Variants in TCERG1L observed in about 807,000 individuals in gnomAD.
TCERG1L encodes the protein transcription elongation regulator 1 like.
TCERG1L carries 37 observed loss-of-function variants against 56.3 expected under a neutral mutation model. The ratio of observed to expected loss-of-function variants is 0.66; its 90% CI spans 0.51 to 0.87. The LOEUF (loss-of-function observed/expected upper bound fraction) is 0.87. TCERG1L is among the 40% of genes least tolerant of loss of function. TCERG1L has a pLI of 0.00. For synonymous variants in TCERG1L, 324 were observed against 326.3 expected (o/e 0.99, Z 0.08); for missense variants, 799 against 774.2 (o/e 1.03, Z -0.38).
intron 3 of TCERG1L, among the ~76,000 whole-genome samples, chr10:131,290,780 T>G (rs1846607909): frequency 1.5e-5 from 1 of 65,984 alleles, no homozygotes; most frequent in African/African-American, 4.1e-5. Context: ...ACGTAAACAC[T>G]TACCACATTG....
intron 3 of TCERG1L, among the ~76,000 whole-genome samples, chr10:131,289,255 C>A (rs1381475677): frequency 6.6e-6 from 1 of 151,656 alleles, no homozygotes; most frequent in African/African-American, 2.4e-5. Flanking sequence ...GGAGAAGAGT[C>A]TAACAGCAGG....
intron 11 of TCERG1L, among the ~76,000 whole-genome samples, chr10:131,094,289 G>C (rs576405742): frequency 1.3e-5 from 2 of 152,368 alleles, no homozygotes; most frequent in South Asian, 4.1e-4. Flanking sequence ...CCTGGGCAGT[G>C]TGCTCTGGGG....
At chr10:131,273,833 T>C (rs1295308888) in intron 3 of TCERG1L, among the ~76,000 whole-genome samples, 1 of 152,176 alleles carries the variant, frequency 6.6e-6, no homozygotes, top group South Asian at 2.1e-4. Flanking sequence ...GGCAAGTGGA[T>C]GCCGGGAAGC....
chr10:131,234,853 G>A (rs1260109788), intron 4 of TCERG1L, among the ~76,000 whole-genome samples: 1 of 152,162 alleles, frequency 6.6e-6, no homozygotes, highest in Non-Finnish European at 1.5e-5. Flanking sequence ...ACAGGCGTGC[G>A]CCACCACGCC....
intron 4 of TCERG1L, among the ~76,000 whole-genome samples, chr10:131,223,921 C>A (rs988958296): frequency 6.6e-6 from 1 of 151,648 alleles, no homozygotes; most frequent in Non-Finnish European, 1.5e-5. Context: ...TGAGCCCTGT[C>A]CCCTCCCCAG....
At chr10:131,153,569 G>C (rs1010443709) in intron 6 of TCERG1L, among the ~76,000 whole-genome samples, 2 of 152,194 alleles carry the variant, frequency 1.3e-5, no homozygotes, top group African/African-American at 4.8e-5. Flanking sequence ...ACTTAAGAAA[G>C]AGGCTTTACA....
intron 3 of TCERG1L, among the ~76,000 whole-genome samples, chr10:131,279,687 G>A (rs1184515708): frequency 1.3e-5 from 2 of 152,190 alleles, no homozygotes; most frequent in African/African-American, 2.4e-5. Context: ...CCACCCAGCC[G>A]CCCGGTGAGG....
In TCERG1L at chr10:131,146,609, C is replaced by T; in HGVS notation, c.1086G>A (p.Met362Ile). ...TGGGCTTCTCCCAGACAGACAGGTG[C>T]ATCGTTGGGTTGAAGAAGAAAACTC... The part of the protein sequence containing the change: ...DDRVFFFNPT[M>I]HLSVWEKPMD... The change falls in exon 7 of 12, where the codon ATG becomes ATA. Residue 362 changes from methionine to isoleucine, a missense_variant. Met to Ile is a conservative substitution (Grantham distance 10). Transcript: ENST00000368642. 6.2e-7 allele frequency: 1 copy of T among 1,613,816 alleles called. No individual in the cohort carries two copies. Among genetic ancestry groups the T allele is most frequent in the Non-Finnish European group, 8.5e-7 (1 of 1,179,812 alleles).
chr10:131,218,778 G>C (rs1038212306), intron 4 of TCERG1L, among the ~76,000 whole-genome samples: 1 of 152,176 alleles, frequency 6.6e-6, no homozygotes, highest in South Asian at 2.1e-4. Flanking sequence ...ATGGAACCAC[G>C]GTGCTGGCCA....
intron 4 of TCERG1L, 121 bp from the exon 5 acceptor site, chr10:131,167,006 C>T (rs1014882123): frequency 1.2e-6 from 1 of 802,100 alleles, no homozygotes; most frequent in Non-Finnish European, 1.9e-6. Context: ...ACTGTGCATT[C>T]CACAGAAAGG....
In TCERG1L at chr10:131,191,532, T is replaced by C. The variant is rs569209063; in HGVS notation, c.857-24647A>G. ...CAAAACAGCATGGTACTAGTAAAAGTAGGCACATAGACCAATGGAACAGAA... is the reference window on the plus strand; with the variant it reads ...CAAAACAGCATGGTACTAGTAAAAGCAGGCACATAGACCAATGGAACAGAA... On this transcript the variant is annotated intron_variant, in intron 4 of 11. Transcript: ENST00000368642. 1.9e-4 allele frequency among the ~76,000 whole-genome samples: 27 copies of C among 143,334 alleles called. 4 individuals are homozygous for C. Among genetic ancestry groups the C allele is most frequent in the African/African-American group, 6.8e-4 (26 of 38,066 alleles). The allele number at this position is 143,334 out of a possible 152,430, so 94.0% of individuals were successfully genotyped here.
At chr10:131,175,701 T>A (rs933411479) in intron 4 of TCERG1L, among the ~76,000 whole-genome samples, 4 of 152,134 alleles carry the variant, frequency 2.6e-5, no homozygotes, top group African/African-American at 9.7e-5. Flanking sequence ...ACAATTTCTA[T>A]AAGAAAAGAA....
chr10:131,120,485 C>T (rs186462751), intron 8 of TCERG1L, among the ~76,000 whole-genome samples: 84 of 152,358 alleles, frequency 5.5e-4, no homozygotes, highest in Admixed American at 5.5e-3. Context: ...GCAGAACCAT[C>T]CTGAGGTCAG....
At chr10:131,270,029 T>C (rs1846324881) in intron 3 of TCERG1L, among the ~76,000 whole-genome samples, 1 of 152,148 alleles carries the variant, frequency 6.6e-6, no homozygotes, top group South Asian at 2.1e-4. Flanking sequence ...CGTTTACTGA[T>C]AAACATGCAA....
intron 6 of TCERG1L, chr10:131,156,188 T>C (rs1299615888): frequency 6.6e-6 from 1 of 152,192 alleles, no homozygotes; most frequent in Non-Finnish European, 1.5e-5. Context: ...ACATGTATCA[T>C]GTCTTGGGAA....
At chr10:131,246,971 G>A (rs575704317) in intron 4 of TCERG1L, among the ~76,000 whole-genome samples, 2 of 152,016 alleles carry the variant, frequency 1.3e-5, no homozygotes, top group Admixed American at 1.3e-4. Flanking sequence ...GAGATGTGTA[G>A]GGAGGGGAGT....
chr10:131,246,109 C>T (rs2944501), intron 4 of TCERG1L, among the ~76,000 whole-genome samples: 143,034 of 152,214 alleles, frequency 0.94, 67,798 homozygotes, highest in East Asian at 1. Flanking sequence ...CTCCTGGCTA[C>T]AGGGCCCATC....
At position 131,093,148 on chromosome 10, in the gene TCERG1L, A is replaced by AT. The variant is rs1564789833; in HGVS notation, c.*13dup. The AT allele has an allele frequency of 2.5e-6, 4 of 1,611,406 alleles. No individual in the cohort carries two copies. Among genetic ancestry groups the AT allele is most frequent in the Non-Finnish European group, 3.4e-6 (4 of 1,178,720 alleles). On this transcript the variant is annotated 3_prime_UTR_variant, in exon 12 of 12. Coordinates refer to ENST00000368642, the MANE Select transcript of TCERG1L (RefSeq NM_174937.4). ...CAGGGTCAACCCCCGGGCTTATTGCATTTTTTCACAAACTCATCTCATTTT... is the reference window on the plus strand; with the variant it reads ...CAGGGTCAACCCCCGGGCTTATTGCATTTTTTTCACAAACTCATCTCATTTT...
At chr10:131,124,929 T>C (rs1328525525) in intron 8 of TCERG1L, among the ~76,000 whole-genome samples, 2 of 152,198 alleles carry the variant, frequency 1.3e-5, no homozygotes, top group Non-Finnish European at 1.5e-5. Context: ...CACTTGGGAT[T>C]TGCTTGTAAG....
Sources: gnomAD v4.1 joint callset for allele counts (sites outside exome capture counted in the v4.1 genomes callset) on GRCh38, gnomAD v4.1.1 for gene constraint, MANE v1.5 for transcripts, NCBI Gene and HGNC (gene_info 2026-07-23, HGNC 2026-07-21) for gene names.